Variants in TYW1B observed in about 807,000 individuals in gnomAD.
TYW1B encodes S-adenosyl-L-methionine-dependent tRNA 4-demethylwyosine synthase TYW1B.
TYW1B carries 73 observed loss-of-function variants against 86.9 expected under a neutral mutation model. That is an observed-to-expected ratio of 0.84 (90% CI 0.70 to 1.02). The LOEUF (loss-of-function observed/expected upper bound fraction) is 1.02. Among genes scored for constraint, TYW1B ranks in the 50% least tolerant of loss-of-function variants. TYW1B has a pLI of 0.00. For missense variants in TYW1B, 637 were observed against 827.4 expected (o/e 0.77, Z 2.82); for synonymous variants, 248 against 292.8 (o/e 0.85, Z 1.56).
chr7:72,809,259 G>A (rs1554477445), intron 4 of TYW1B, among the ~76,000 whole-genome samples: 3 of 151,938 alleles, frequency 2.0e-5, no homozygotes, highest in Non-Finnish European at 4.4e-5. Context: ...TAGCCACGAT[G>A]ATCTCGATCT....
intron 9 of TYW1B, among the ~76,000 whole-genome samples, chr7:72,721,552 G>C (rs1786901704): frequency 6.6e-6 from 1 of 152,010 alleles, no homozygotes; most frequent in African/African-American, 2.4e-5. Flanking sequence ...GTCCACATGA[G>C]ACACAGGACA....
chr7:72,707,789 A>C (rs554116491), intron 10 of TYW1B, among the ~76,000 whole-genome samples: 1 of 152,286 alleles, frequency 6.6e-6, no homozygotes, highest in African/African-American at 2.4e-5. Flanking sequence ...GTCCCCACCC[A>C]AATCTCATGT....
At chr7:72,706,070 C>T (rs553442893) in intron 10 of TYW1B, among the ~76,000 whole-genome samples, 7 of 152,258 alleles carry the variant, frequency 4.6e-5, no homozygotes, top group Non-Finnish European at 7.4e-5. Context: ...GTCAAGTAAG[C>T]CACTTTTAAG....
At chr7:72,622,767 A>G (rs1474684862) in intron 12 of TYW1B, among the ~76,000 whole-genome samples, 1 of 151,682 alleles carries the variant, frequency 6.6e-6, no homozygotes, top group Non-Finnish European at 1.5e-5. Flanking sequence ...CACACCACAC[A>G]CATGCACGCA....
At chr7:72,767,140 C>T (rs1369878138) in intron 7 of TYW1B, among the ~76,000 whole-genome samples, 1 of 152,010 alleles carries the variant, frequency 6.6e-6, no homozygotes, top group African/African-American at 2.4e-5. Context: ...AAACCACAAC[C>T]TTGCACAAAG....
At chr7:72,824,419 G>T (rs1788892177) in intron 2 of TYW1B, among the ~76,000 whole-genome samples, 1 of 152,032 alleles carries the variant, frequency 6.6e-6, no homozygotes, top group South Asian at 2.1e-4. Context: ...GGACAAGATT[G>T]CAAGATCTTG....
At chr7:72,614,374 T>C (rs1554436477) in intron 13 of TYW1B, among the ~76,000 whole-genome samples, 1 of 152,164 alleles carries the variant, frequency 6.6e-6, no homozygotes, top group African/African-American at 2.4e-5. Flanking sequence ...GGCCCATGCC[T>C]GTAATCCCAG....
At chr7:72,714,663 A>T in intron 9 of TYW1B, among the ~76,000 whole-genome samples, 1 of 150,348 alleles carries the variant, frequency 6.7e-6, no homozygotes, top group African/African-American at 2.5e-5. Context: ...CACACCTGTA[A>T]TCCCAGCACT....
Position 72,728,736 on chromosome 7 carries a change from A to G in TYW1B, c.1192+86T>C, listed in dbSNP as rs1431350780. On this transcript the variant is annotated intron_variant, in intron 9 of 13. Transcript: ENST00000620995. Reference sequence around the variant, plus strand: ...AGGAAAATTTGCCAGTGGGGACAAAATCCTACCAAAGAGGCAATTCTTCTG... The same window carrying G: ...AGGAAAATTTGCCAGTGGGGACAAAGTCCTACCAAAGAGGCAATTCTTCTG... The G allele has an allele frequency of 1.3e-5, 18 of 1,372,264 alleles. No individual in the cohort carries two copies. The East Asian group carries it at 4.5e-4, about 34-fold the overall frequency. The allele number at this position is 1,372,264 out of a possible 1,614,324, so 85.0% of individuals were successfully genotyped here.
At chr7:72,710,909 T>C (rs1554454625) in intron 10 of TYW1B, among the ~76,000 whole-genome samples, 1 of 152,218 alleles carries the variant, frequency 6.6e-6, no homozygotes, top group African/African-American at 2.4e-5. Context: ...GCAAATACTT[T>C]CACCTTTTTT....
intron 8 of TYW1B, among the ~76,000 whole-genome samples, chr7:72,734,797 G>A (rs534972425): frequency 4.0e-5 from 6 of 151,568 alleles, no homozygotes; most frequent in South Asian, 4.2e-4. Flanking sequence ...TTAAAAGGTC[G>A]AATGATGTAA....
intron 11 of TYW1B, among the ~76,000 whole-genome samples, chr7:72,662,478 AAT>A (rs1813357790): frequency 6.8e-6 from 1 of 147,834 alleles, no homozygotes; most frequent in African/African-American, 2.5e-5. Context: ...TAGATAGATA[AAT>A]TTTTTTCCTT....
chr7:72,814,921 T>C (rs184099583), intron 3 of TYW1B, among the ~76,000 whole-genome samples: 2,694 of 147,588 alleles, frequency 0.018, 43 homozygotes, highest in Non-Finnish European at 0.028. Context: ...AAAAAAAAAT[T>C]AGCTGGGCAT....
chr7:72,824,246 T>A (rs1255219418), intron 2 of TYW1B, among the ~76,000 whole-genome samples: 1 of 152,080 alleles, frequency 6.6e-6, no homozygotes, highest in Non-Finnish European at 1.5e-5. Flanking sequence ...AGACCTTGAT[T>A]TTTCCTCTAA....
intron 11 of TYW1B, among the ~76,000 whole-genome samples, chr7:72,673,026 G>A (rs568457120): frequency 4.2e-4 from 64 of 152,240 alleles, no homozygotes; most frequent in Middle Eastern, 3.4e-3. Context: ...AAAATTAGCC[G>A]GGTGTCGCGG....
chr7:72,803,944 T>C (rs1332877897), intron 5 of TYW1B, among the ~76,000 whole-genome samples: 1 of 151,894 alleles, frequency 6.6e-6, no homozygotes, highest in African/African-American at 2.4e-5. Context: ...GTGAAGTAGT[T>C]GTTTGTTTTC....
chr7:72,578,328 G>C (rs182110944), intron 13 of TYW1B, among the ~76,000 whole-genome samples: 10 of 152,160 alleles, frequency 6.6e-5, no homozygotes, highest in African/African-American at 1.9e-4. Flanking sequence ...TGTTAGCCAG[G>C]ATGGTCTCGA....
At chr7:72,580,479 A>C (rs1391303800) in intron 13 of TYW1B, among the ~76,000 whole-genome samples, 1 of 152,206 alleles carries the variant, frequency 6.6e-6, no homozygotes, top group Non-Finnish European at 1.5e-5. Flanking sequence ...AAAAGGTCAT[A>C]AATGATCTTA....
chr7:72,614,104 G>GT (rs1449985077), intron 13 of TYW1B, among the ~76,000 whole-genome samples: 2 of 152,052 alleles, frequency 1.3e-5, no homozygotes, highest in African/African-American at 2.4e-5. Flanking sequence ...CAGAAAAATG[G>GT]TAACAGGTGA....
Sources: allele counts gnomAD v4.1 joint callset (sites outside exome capture counted in the v4.1 genomes callset), GRCh38; gene constraint gnomAD v4.1.1; transcripts MANE v1.5; gene names NCBI Gene and HGNC (gene_info 2026-07-23, HGNC 2026-07-21).